The following ELF4 variants were observed in gnomAD, a reference collection of about 807,000 sequenced individuals.
ELF4 encodes E74 like ETS transcription factor 4, also known as ETS-related transcription factor Elf-4.
A neutral mutation model predicts 31.7 loss-of-function variants in ELF4; 10 were observed. The observed-to-expected ratio is 0.32, with a 90% CI of 0.19 to 0.54. ELF4 has a LOEUF of 0.54. ELF4 is among the 20% of genes least tolerant of loss of function. The pLI is 0.95. For synonymous variants in ELF4, 208 were observed against 226.7 expected (o/e 0.92, Z 0.74); for missense variants, 418 against 522.0 (o/e 0.80, Z 1.94).
chrX:130,100,543 G>A (rs1933235048), intron 1 of ELF4, among the ~76,000 whole-genome samples: 1 of 111,576 alleles, frequency 9.0e-6, no homozygotes, highest in African/African-American at 3.3e-5. Context: ...GGCCTGCCAT[G>A]CCTTTGCTGC....
chrX:130,083,434 C>CT (rs1229057544), intron 1 of ELF4, among the ~76,000 whole-genome samples: 1 of 109,081 alleles, frequency 9.2e-6, no homozygotes, highest in African/African-American at 3.4e-5. Flanking sequence ...CTTCTGCCTG[C>CT]CCCCAGGAAA....
At chrX:130,092,618 G>A (rs1275473401) in intron 1 of ELF4, among the ~76,000 whole-genome samples, 1 of 112,240 alleles carries the variant, frequency 8.9e-6, no homozygotes, top group Non-Finnish European at 1.9e-5. Flanking sequence ...TTGAGGGGTG[G>A]AGTGAGCCTG....
chrX:130,070,560 G>A (rs1932775351), intron 7 of ELF4, among the ~76,000 whole-genome samples: 1 of 106,596 alleles, frequency 9.4e-6, no homozygotes, highest in Non-Finnish European at 1.9e-5. Flanking sequence ...GGGTGACAGA[G>A]CAAGACTCCG....
chrX:130,090,094 C>T (rs1334596816), intron 1 of ELF4, among the ~76,000 whole-genome samples: 1 of 110,536 alleles, frequency 9.0e-6, no homozygotes, highest in Non-Finnish European at 1.9e-5. Flanking sequence ...AAAATTAGGG[C>T]CAGGCGTGGT....
At chrX:130,102,140 C>G (rs1466019960) in intron 1 of ELF4, among the ~76,000 whole-genome samples, 1 of 112,332 alleles carries the variant, frequency 8.9e-6, no homozygotes, top group Admixed American at 9.4e-5. Flanking sequence ...GAGTGGGACT[C>G]CATCTCAAAA....
intron 5 of ELF4, among the ~76,000 whole-genome samples, chrX:130,071,623 T>C (rs894075050): frequency 1.8e-5 from 2 of 112,334 alleles, no homozygotes; most frequent in African/African-American, 6.5e-5. Context: ...GGCTACAATG[T>C]GGAGAAACCG....
intron 1 of ELF4, among the ~76,000 whole-genome samples, chrX:130,094,620 C>G (rs1486401177): frequency 9.1e-6 from 1 of 110,028 alleles, no homozygotes; most frequent in Non-Finnish European, 1.9e-5. Flanking sequence ...CCTGTCCCCT[C>G]TCACTCTATG....
chrX:130,069,746 C>A lies in ELF4; in HGVS notation c.810-69G>T, dbSNP rs1452544957. 3 of 1,188,904 alleles carry A rather than the reference C, an allele frequency of 2.5e-6. No individual in the cohort carries two copies. In the South Asian group the frequency reaches 5.4e-5, roughly 21 times the overall value. ...GGTGGGAGACCTTCTACCTCCATCT[C>A]CCCAGTGCTCCTCCCCGAGGGCTAG... On this transcript the variant is annotated intron_variant, in intron 7 of 8. Transcript: ENST00000308167.
At chrX:130,067,664 C>T (rs1017573573) in intron 8 of ELF4, 139 bp from the exon 9 acceptor site, 48 of 652,249 alleles carry the variant, frequency 7.4e-5, no homozygotes, top group Non-Finnish European at 1.2e-5. Flanking sequence ...TTTCTAGAGA[C>T]AGGGTCTCAC....
chrX:130,084,830 C>T (rs1042719989), intron 1 of ELF4, among the ~76,000 whole-genome samples: 1 of 111,688 alleles, frequency 9.0e-6, no homozygotes, highest in Non-Finnish European at 1.9e-5. Context: ...GGAGTGAACC[C>T]CCCCTTCAGT....
At position 130,066,659 on chromosome X, in the gene ELF4, G is replaced by A. The variant is rs1932678775; in HGVS notation, c.*62C>T. 8 of 1,112,582 alleles carry A rather than the reference G, an allele frequency of 7.2e-6. No homozygotes were observed. Among genetic ancestry groups the A allele is most frequent in the South Asian group, 3.8e-5 (2 of 53,132 alleles). 91.7% of individuals were successfully genotyped at this position (1,112,582 alleles called of 1,213,427 possible). A position where few individuals can be genotyped will look rare whatever the true frequency, so the allele number is the denominator to read the frequency against. On this transcript the variant is annotated 3_prime_UTR_variant, in exon 9 of 9. Coordinates refer to ENST00000308167, the MANE Select transcript of ELF4 (RefSeq NM_001421.4). ...CAGGGGCAGGTGTGCTACTGAAGTC[G>A]GTCCCTATGAAAATGCTGCTCAATT...
At chrX:130,105,813 G>A (rs201375309) in intron 1 of ELF4, among the ~76,000 whole-genome samples, 1 of 109,002 alleles carries the variant, frequency 9.2e-6, no homozygotes, top group East Asian at 2.9e-4. Flanking sequence ...TCATTTAAGT[G>A]CCCTACGTCT....
At position 130,066,782 on chromosome X, in the gene ELF4, G is replaced by A. The variant is rs200679239; in HGVS notation, c.1931C>T (p.Pro644Leu). 8.3e-7 allele frequency: 1 copy of A among 1,207,733 alleles called. No individual in the cohort carries two copies. The highest frequency in any genetic ancestry group is 1.7e-5 in the African/African-American group (1 of 57,225). Residue 644 changes from proline (P) to leucine (L), a missense_variant, in exon 9 of 9, where the codon CCA becomes CTA. By Grantham distance (98) the Pro-to-Leu change is moderately conservative. This residue lies in a region of ELF4 where 260 missense variants were observed against 269.2 expected (regional missense o/e 0.97). Transcript: ENST00000308167. ...SGSLLTRSPT[P>L]APFSPFNPTS... ...AGGGTTGAATGGGGAGAAAGGGGCTGGGGTGGGGGATCTTGTCAGAAGGCT... is the reference window on the plus strand; with the variant it reads ...AGGGTTGAATGGGGAGAAAGGGGCTAGGGTGGGGGATCTTGTCAGAAGGCT...
chrX:130,103,637 T>C (rs966209269), intron 1 of ELF4, among the ~76,000 whole-genome samples: 2 of 112,092 alleles, frequency 1.8e-5, no homozygotes, highest in Non-Finnish European at 3.8e-5. Flanking sequence ...AAAGATTAGC[T>C]CCTCATTCTA....
At chrX:130,077,453 C>T (rs1482987763) in intron 2 of ELF4, among the ~76,000 whole-genome samples, 2 of 111,509 alleles carry the variant, frequency 1.8e-5, no homozygotes, top group African/African-American at 6.5e-5. Flanking sequence ...AGGCCACCGC[C>T]GCTGGCTAAT....
At chrX:130,108,814 C>T (rs1051141802) in intron 1 of ELF4, among the ~76,000 whole-genome samples, 1 of 109,707 alleles carries the variant, frequency 9.1e-6, no homozygotes, top group South Asian at 4.0e-4. Flanking sequence ...TCATGGTCCC[C>T]CCCACCCCTG....
At position 130,073,079 on chromosome X, in the gene ELF4, T is replaced by A. The variant is rs868809397; in HGVS notation, c.341-662A>T. ...CCTGGTAGGATGGGCAAGGATCACTTATTTCTTTATTTTATTTATTTATTT... is the reference window on the plus strand; with the variant it reads ...CCTGGTAGGATGGGCAAGGATCACTAATTTCTTTATTTTATTTATTTATTT... On this transcript the variant is annotated intron_variant, in intron 4 of 8. Coordinates refer to ENST00000308167, the MANE Select transcript of ELF4 (RefSeq NM_001421.4). Among the ~76,000 whole-genome samples the A allele has an allele frequency of 2.5e-4, 28 of 111,500 alleles. 1 individual carries two copies. Among genetic ancestry groups the A allele is most frequent in the African/African-American group, 9.1e-4 (28 of 30,619 alleles).
At position 130,073,952 on chromosome X, in the gene ELF4, G is replaced by T. The variant is rs1283081296; in HGVS notation, c.340+97C>A. On this transcript the variant is annotated intron_variant, in intron 4 of 8. Coordinates refer to ENST00000308167, the MANE Select transcript of ELF4 (RefSeq NM_001421.4). ...CGGTGGGTGTGGTGCATGTATACCT[G>T]TGTGCACACATGCCTGAGAAACCAA... The T allele has an allele frequency of 1.1e-5, 10 of 885,807 alleles. No homozygotes were observed. In the East Asian group the frequency reaches 2.5e-4, roughly 22 times the overall value. 73.0% of individuals were successfully genotyped at this position (885,807 alleles called of 1,213,427 possible). A position where few individuals can be genotyped will look rare whatever the true frequency, so the allele number is the denominator to read the frequency against.
At chrX:130,095,421 G>A (rs1170151664) in intron 1 of ELF4, among the ~76,000 whole-genome samples, 1 of 112,358 alleles carries the variant, frequency 8.9e-6, no homozygotes, top group Non-Finnish European at 1.9e-5. Context: ...CTCAAACTGG[G>A]GCCGGTGTGA....
Sources: gnomAD v4.1 joint callset for allele counts (sites outside exome capture counted in the v4.1 genomes callset) on GRCh38, gnomAD v4.1.1 for gene constraint, gnomAD v4.1.1 regional missense constraint, MANE v1.5 for transcripts, NCBI Gene and HGNC (gene_info 2026-07-23, HGNC 2026-07-21) for gene names.